The following PAQR7 variants were observed in gnomAD, a reference collection of about 807,000 sequenced individuals.
PAQR7 encodes the protein progestin and adipoQ receptor family member 7.
Under a neutral mutation model 24.6 loss-of-function variants are expected in PAQR7, and 14 were observed. The ratio of observed to expected loss-of-function variants is 0.57; its 90% CI spans 0.38 to 0.89. The LOEUF (loss-of-function observed/expected upper bound fraction) is 0.89, where lower values mean the gene tolerates loss of function less well. Ranked by LOEUF, PAQR7 falls within the 40% of genes least tolerant of loss-of-function variation. The probability of loss-of-function intolerance (pLI) is 0.00; values close to 1 mark genes in which losing one functional copy is unlikely to be tolerated. For synonymous variants in PAQR7, 189 were observed against 198.8 expected (o/e 0.95, Z 0.42); for missense variants, 351 against 444.0 (o/e 0.79, Z 1.88).
chr1:25,863,515 T>A lies in PAQR7; in HGVS notation c.325A>T (p.Ile109Phe). 3 of 1,613,990 alleles carry A rather than the reference T, an allele frequency of 1.9e-6. No homozygotes were observed. Among genetic ancestry groups the A allele is most frequent in the Non-Finnish European group, 1.7e-6 (2 of 1,179,990 alleles). ...TAGGTGAAAGAGGCAAGGACAATGA[T>A]GAAGAGGGGCAGGGCGTGTGGGTCT... ...WGDPHALPLF[I>F]IVLASFTYLS... The change falls in exon 3 of 3, where the codon ATC becomes TTC. Residue 109 changes from isoleucine (I) to phenylalanine (F), a missense_variant. Coordinates refer to ENST00000675840, the MANE Select transcript of PAQR7 (RefSeq NM_178422.6). This position sits in a 1 kb window ranked among gnomAD's most constrained non-coding sequence, Gnocchi z 6.1.
chr1:25,869,827 C>A (rs1482655266), intron 2 of PAQR7, among the ~76,000 whole-genome samples: 1 of 152,124 alleles, frequency 6.6e-6, no homozygotes, highest in Non-Finnish European at 1.5e-5. Flanking sequence ...TGGCTACCTG[C>A]TTGCACCTGA....
chr1:25,863,701 T>C lies in PAQR7; in HGVS notation c.139A>G (p.Ile47Val). ...EVPPLFWKPY[I>V]YAGYRPLHQT... Reference sequence around the variant, plus strand: ...TGCAGCGGCCGGTAGCCCGCATAGATGTACGGCTTCCAGAAGAGCGGCGGC... The same window carrying C: ...TGCAGCGGCCGGTAGCCCGCATAGACGTACGGCTTCCAGAAGAGCGGCGGC... Residue 47 changes from isoleucine to valine, a missense_variant, in exon 3 of 3, where the codon ATC becomes GTC. Physicochemically the swap from Ile to Val is conservative, Grantham distance 29. Coordinates refer to ENST00000675840, the MANE Select transcript of PAQR7 (RefSeq NM_178422.6). This position sits in a 1 kb window ranked among gnomAD's most constrained non-coding sequence, Gnocchi z 6.1. 4 of 1,614,102 alleles carry C rather than the reference T, an allele frequency of 2.5e-6. No individual in the cohort carries two copies. The highest frequency in any genetic ancestry group is 3.4e-6 in the Non-Finnish European group (4 of 1,180,022).
chr1:25,862,739 G>T lies in PAQR7; in HGVS notation c.*60C>A. ...TTACCAGGCCTTGTTCCCACCTGGA[G>T]CCAAACCCAGACCCCTGTCCCCCAA... On this transcript the variant is annotated 3_prime_UTR_variant, in exon 3 of 3. Transcript: ENST00000675840. 2 of 1,522,262 alleles carry T rather than the reference G, an allele frequency of 1.3e-6. No homozygotes were observed. Among genetic ancestry groups the T allele is most frequent in the Non-Finnish European group, 1.8e-6 (2 of 1,119,908 alleles). The allele number at this position is 1,522,262 out of a possible 1,614,324, so 94.3% of individuals were successfully genotyped here. A position where few individuals can be genotyped will look rare whatever the true frequency, so the allele number is the denominator to read the frequency against.
chr1:25,862,865 G>A lies in PAQR7; in HGVS notation c.975C>T (p.Ser325=). The A allele has an allele frequency of 6.2e-7, 1 of 1,614,218 alleles. No homozygotes were observed. Among genetic ancestry groups the A allele is most frequent in the Non-Finnish European group, 8.5e-7 (1 of 1,180,036 alleles). Residue 325 remains serine, a synonymous_variant, in exon 3 of 3, where the codon AGC becomes AGT. Coordinates refer to ENST00000675840, the MANE Select transcript of PAQR7 (RefSeq NM_178422.6). ...TCAGGAGGAATGCAGTGAGGATGCT[G>A]CTGCCCACCGTGAGCAGGAAGAGGC... ...FSGLFLLTVG[S]SILTAFLLSQ...
chr1:25,865,144 CAA>C (rs57710249), intron 2 of PAQR7, among the ~76,000 whole-genome samples: 13,068 of 95,152 alleles, frequency 0.14, 1,876 homozygotes, highest in African/African-American at 0.4. Flanking sequence ...GACTCCGTCT[CAA>C]AAAAAAAAAA....
intron 2 of PAQR7, among the ~76,000 whole-genome samples, chr1:25,867,287 G>A (rs768502265): frequency 6.6e-6 from 1 of 152,020 alleles, no homozygotes; most frequent in African/African-American, 2.4e-5. Context: ...CCTCCCACTC[G>A]GCCTCCCAAA....
At chr1:25,869,520 C>T (rs560632592) in intron 2 of PAQR7, among the ~76,000 whole-genome samples, 2 of 148,588 alleles carry the variant, frequency 1.3e-5, no homozygotes, top group South Asian at 2.1e-4. Context: ...TGCAGTGAGC[C>T]GAGATCGTGC....
rs77010008 is a variant in PAQR7 at position 25,863,297 on chromosome 1, G to A, written c.543C>T (p.Leu181=). ...QAVFLPMAAF[L]AWLSCIGSCY... ...AGGAGCCAATGCAGGAAAGCCAGGC[G>A]AGAAAGGCAGCCATGGGCAGAAAAA... Residue 181 remains leucine (L), a synonymous_variant, in exon 3 of 3, where the codon CTC becomes CTT. Transcript: ENST00000675840. This position sits in a 1 kb window ranked among gnomAD's most constrained non-coding sequence, Gnocchi z 6.1. 2.8e-4 allele frequency: 457 copies of A among 1,614,240 alleles called. 5 individuals are homozygous for A. The East Asian group carries it at 6.6e-3, about 23-fold the overall frequency.
chr1:25,867,985 T>C (rs1324727575), intron 2 of PAQR7, among the ~76,000 whole-genome samples: 8 of 152,222 alleles, frequency 5.3e-5, no homozygotes, highest in African/African-American at 1.2e-4. Context: ...GCTGCACTAA[T>C]TGACGGGGCC....
At chr1:25,871,604 CCT>C (rs1341602389) in intron 1 of PAQR7, among the ~76,000 whole-genome samples, 1 of 152,090 alleles carries the variant, frequency 6.6e-6, no homozygotes, top group African/African-American at 2.4e-5. Context: ...GCCCTCCTCA[CCT>C]CTCTCCTTAA....
rs1354957423 is a variant in PAQR7 at position 25,875,497 on chromosome 1, A to G, written c.-118T>C. Reference sequence around the variant, plus strand: ...CTTGGCAGCCCCGTACCTGAGCCGGAGCCGAGCTGGGAGGGCCGCGGGGGC... The same window carrying G: ...CTTGGCAGCCCCGTACCTGAGCCGGGGCCGAGCTGGGAGGGCCGCGGGGGC... On this transcript the variant is annotated 5_prime_UTR_variant, in exon 1 of 3. Transcript: ENST00000675840. The surrounding 1 kb of genome is among the most constrained non-coding windows in gnomAD (Gnocchi z 5.4). 5.3e-5 allele frequency among the ~76,000 whole-genome samples: 8 copies of G among 151,960 alleles called. No individual in the cohort carries two copies. The highest frequency in any genetic ancestry group is 1.2e-4 in the Non-Finnish European group (8 of 67,960).
intron 2 of PAQR7, among the ~76,000 whole-genome samples, chr1:25,868,786 G>A (rs909696423): frequency 6.8e-6 from 1 of 147,374 alleles, no homozygotes; most frequent in Admixed American, 6.8e-5. Context: ...ATCAACATTT[G>A]CCAAGCTTAT....
chr1:25,865,627 G>A (rs1429061783), intron 2 of PAQR7, among the ~76,000 whole-genome samples: 1 of 152,176 alleles, frequency 6.6e-6, no homozygotes, highest in Non-Finnish European at 1.5e-5. Flanking sequence ...GGCTAACACG[G>A]TGAAACCTCA....
intron 1 of PAQR7, among the ~76,000 whole-genome samples, chr1:25,871,997 G>A (rs958731990): frequency 4.6e-5 from 7 of 152,212 alleles, no homozygotes; most frequent in Non-Finnish European, 5.9e-5. Flanking sequence ...ACTAATCTCT[G>A]CAGGCTCTCC....
chr1:25,875,079 C>G lies in PAQR7; in HGVS notation c.-109+409G>C, dbSNP rs993772917. On this transcript the variant is annotated intron_variant, in intron 1 of 2. Coordinates refer to ENST00000675840, the MANE Select transcript of PAQR7 (RefSeq NM_178422.6). This position sits in a 1 kb window ranked among gnomAD's most constrained non-coding sequence, Gnocchi z 5.4. ...GCTCCAGGAAGGCAGCGGCCTTGCCCGGGCCAGACGCCCCTACCCACTCCC... is the reference window on the plus strand; with the variant it reads ...GCTCCAGGAAGGCAGCGGCCTTGCCGGGGCCAGACGCCCCTACCCACTCCC... 6.6e-6 allele frequency among the ~76,000 whole-genome samples: 1 copy of G among 152,174 alleles called. No homozygotes were observed. The highest frequency in any genetic ancestry group is 2.4e-5 in the African/African-American group (1 of 41,454).
chr1:25,871,750 G>A (rs2048607537), intron 1 of PAQR7, among the ~76,000 whole-genome samples: 1 of 152,216 alleles, frequency 6.6e-6, no homozygotes, highest in Non-Finnish European at 1.5e-5. Context: ...AGAGCCCTGG[G>A]TTACCCCCAT....
intron 2 of PAQR7, among the ~76,000 whole-genome samples, chr1:25,867,422 T>C (rs2124193052): frequency 6.6e-6 from 1 of 152,296 alleles, no homozygotes; most frequent in East Asian, 1.9e-4. Flanking sequence ...TGGCTTCAAT[T>C]ACATAATTCA....
chr1:25,868,357 C>T (rs761718314), intron 2 of PAQR7, among the ~76,000 whole-genome samples: 2 of 152,184 alleles, frequency 1.3e-5, no homozygotes, highest in Non-Finnish European at 2.9e-5. Context: ...CTGATAAGTC[C>T]AGTCCTGTGC....
In PAQR7 at chr1:25,863,681, C is replaced by T. The variant is rs145986778; in HGVS notation, c.159G>A (p.Pro53=). Residue 53 remains proline (P), a synonymous_variant, in exon 3 of 3, where the codon CCG becomes CCA. Coordinates refer to ENST00000675840, the MANE Select transcript of PAQR7 (RefSeq NM_178422.6). This position sits in a 1 kb window ranked among gnomAD's most constrained non-coding sequence, Gnocchi z 6.1. ...WKPYIYAGYR[P]LHQTWRFYFR... ...AATAGAAGCGCCAGGTCTGATGCAG[C>T]GGCCGGTAGCCCGCATAGATGTACG... The T allele has an allele frequency of 2.1e-4, 345 of 1,614,168 alleles. 1 individual carries two copies. The African/African-American group carries it at 2.8e-3, about 13-fold the overall frequency.
Sources: allele counts gnomAD v4.1 joint callset (sites outside exome capture counted in the v4.1 genomes callset), GRCh38; gene constraint gnomAD v4.1.1; non-coding constraint Gnocchi (gnomAD v3.1); transcripts MANE v1.5; gene names NCBI Gene and HGNC (gene_info 2026-07-23, HGNC 2026-07-21).